The following RNF123 variants were observed in gnomAD, a reference collection of about 807,000 sequenced individuals.
RNF123 encodes E3 ubiquitin-protein ligase RNF123.
In RNF123, 86 loss-of-function variants were observed where a neutral mutation model predicts 168.5. The observed-to-expected ratio is 0.51, with a 90% confidence interval of 0.43 to 0.61. The LOEUF (loss-of-function observed/expected upper bound fraction) is 0.61, where lower values mean the gene tolerates loss of function less well. Ranked by LOEUF, RNF123 falls within the 20% of genes least tolerant of loss-of-function variation. The pLI is 0.00. For missense variants in RNF123, 1,419 were observed against 1,729.7 expected (o/e 0.82, Z 3.19); for synonymous variants, 666 against 689.1 (o/e 0.97, Z 0.52).
chr3:49,709,491 A>G (rs1314757962), intron 26 of RNF123, among the ~76,000 whole-genome samples: 5 of 152,018 alleles, frequency 3.3e-5, no homozygotes, highest in South Asian at 2.1e-4. Flanking sequence ...TAGTAGAGAC[A>G]GGGTTTCACC....
intron 26 of RNF123, among the ~76,000 whole-genome samples, chr3:49,708,123 C>T (rs2054552849): frequency 6.6e-6 from 1 of 152,028 alleles, no homozygotes; most frequent in Admixed American, 6.6e-5. Flanking sequence ...CTACCGCGCC[C>T]AGCTACTTTT....
At chr3:49,690,227 G>T (rs955585883) in intron 1 of RNF123, among the ~76,000 whole-genome samples, 3 of 152,250 alleles carry the variant, frequency 2.0e-5, no homozygotes, top group African/African-American at 7.2e-5. Flanking sequence ...CTGTCTAATA[G>T]AACTTTATAT....
chr3:49,700,484 C>G lies in RNF123; in HGVS notation c.1123C>G (p.Gln375Glu). The change falls in exon 14 of 39, where the codon CAA becomes GAA. Residue 375 changes from glutamine (Q) to glutamate (E), a missense_variant. Coordinates refer to ENST00000327697, the MANE Select transcript of RNF123 (RefSeq NM_022064.5). ...TCTCTTCCCCCAGGACTACGAGGTACAAGATTGCCTCAAGCAGTTGATGAT... is the reference window on the plus strand; with the variant it reads ...TCTCTTCCCCCAGGACTACGAGGTAGAAGATTGCCTCAAGCAGTTGATGAT... ...LWLFMEDYEVQDCLKQLMMSL... is the reference protein window; with the variant it reads ...LWLFMEDYEVEDCLKQLMMSL... 1 of 1,614,118 alleles carries G rather than the reference C, an allele frequency of 6.2e-7. No individual in the cohort carries two copies. Among genetic ancestry groups the G allele is most frequent in the Non-Finnish European group, 8.5e-7 (1 of 1,179,996 alleles).
chr3:49,699,210 G>T lies in RNF123; in HGVS notation c.764+105G>T. The T allele has an allele frequency of 6.8e-7, 1 of 1,465,540 alleles. No homozygotes were observed. Among genetic ancestry groups the T allele is most frequent in the Non-Finnish European group, 9.2e-7 (1 of 1,090,114 alleles). The allele number at this position is 1,465,540 out of a possible 1,614,324, so 90.8% of individuals were successfully genotyped here. On this transcript the variant is annotated intron_variant, in intron 10 of 38. Coordinates refer to ENST00000327697, the MANE Select transcript of RNF123 (RefSeq NM_022064.5). The surrounding 1 kb of genome is among the most constrained non-coding windows in gnomAD (Gnocchi z 4.8). ...TGCCATGGGCTGGTGGCAGGCCCTGGCTGCTGCAGAGTTAGTGGGGGGCCA... is the reference window on the plus strand; with the variant it reads ...TGCCATGGGCTGGTGGCAGGCCCTGTCTGCTGCAGAGTTAGTGGGGGGCCA...
chr3:49,711,489 AG>A (rs2080144397), intron 26 of RNF123, among the ~76,000 whole-genome samples: 1 of 152,134 alleles, frequency 6.6e-6, no homozygotes, highest in Admixed American at 6.5e-5. Flanking sequence ...GGCCATTGCC[AG>A]CCCCTCACCA....
Position 49,699,200 on chromosome 3 carries a change from G to A in RNF123, c.764+95G>A. 1 of 1,478,022 alleles carries A rather than the reference G, an allele frequency of 6.8e-7. No individual in the cohort carries two copies. The highest frequency in any genetic ancestry group is 2.0e-5 in the Admixed American group (1 of 49,456). The allele number at this position is 1,478,022 out of a possible 1,614,324, so 91.6% of individuals were successfully genotyped here. ...ACCCCAGGGGTGCCATGGGCTGGTG[G>A]CAGGCCCTGGCTGCTGCAGAGTTAG... On this transcript the variant is annotated intron_variant, in intron 10 of 38. Transcript: ENST00000327697. This position sits in a 1 kb window ranked among gnomAD's most constrained non-coding sequence, Gnocchi z 4.8.
At chr3:49,702,560 G>T (rs1655362646) in intron 19 of RNF123, 73 bp from the exon 20 acceptor site, 1 of 1,611,798 alleles carries the variant, frequency 6.2e-7, no homozygotes, top group Admixed American at 1.7e-5. Flanking sequence ...CGACCCTCAG[G>T]CAGGGCCTTG....
chr3:49,703,619 A>G (rs566580350), intron 21 of RNF123, 91 bp downstream of exon 21: 169 of 1,035,524 alleles, frequency 1.6e-4, no homozygotes, highest in East Asian at 9.5e-4. Context: ...GAGCCATCCT[A>G]TGGCCACCAG....
In RNF123 at chr3:49,699,507, G is replaced by C. The variant is rs989790777; in HGVS notation, c.804G>C (p.Pro268=). Residue 268 remains proline (P), a synonymous_variant, in exon 11 of 39, where the codon CCG becomes CCC. Coordinates refer to ENST00000327697, the MANE Select transcript of RNF123 (RefSeq NM_022064.5). The surrounding 1 kb of genome is among the most constrained non-coding windows in gnomAD (Gnocchi z 4.8). The stretch of plus-strand genomic sequence containing the variant: ...GCTACCGGCCCCTGCAGGACCCACC[G>C]AGTGCTGACCTGGTGCGGGCACAGA... ...VAGYRPLQDP[P]SADLVRAQRL... 6.2e-7 allele frequency: 1 copy of C among 1,611,396 alleles called. No homozygotes were observed.
intron 26 of RNF123, among the ~76,000 whole-genome samples, chr3:49,710,538 C>T (rs1341762926): frequency 6.6e-6 from 1 of 152,194 alleles, no homozygotes; most frequent in Non-Finnish European, 1.5e-5. Context: ...CCTCGGCCTC[C>T]CAAAGTGCTG....
intron 13 of RNF123, 39 bp from the exon 14 acceptor site, chr3:49,700,433 A>C (rs745537217): frequency 1.2e-6 from 2 of 1,611,856 alleles, no homozygotes; most frequent in South Asian, 2.2e-5. Flanking sequence ...ATCTTGGAAA[A>C]GGCCCCAGTC....
chr3:49,692,581 A>G (rs2054190025), intron 3 of RNF123, among the ~76,000 whole-genome samples: 1 of 152,082 alleles, frequency 6.6e-6, no homozygotes, highest in Non-Finnish European at 1.5e-5. Context: ...CATTAATTCA[A>G]TTTTTTTGTA....
intron 35 of RNF123, 40 bp downstream of exon 35, chr3:49,716,517 G>A (rs772095421): frequency 5.7e-6 from 9 of 1,572,524 alleles, no homozygotes; most frequent in South Asian, 3.4e-5. Flanking sequence ...GGAGTTGGGT[G>A]TGTCTGGTGA....
intron 35 of RNF123, chr3:49,719,007 G>A (rs745351352): frequency 3.1e-6 from 5 of 1,613,906 alleles, no homozygotes; most frequent in Non-Finnish European, 4.2e-6. Context: ...GCAGGCCGTG[G>A]AAGGCATGCT....
intron 35 of RNF123, chr3:49,718,347 A>G (rs1433340405): frequency 6.2e-7 from 1 of 1,613,248 alleles, no homozygotes; most frequent in African/African-American, 1.3e-5. Flanking sequence ...CTGGGCGCGG[A>G]AAGTGCACGC....
Position 49,721,106 on chromosome 3 carries a change from G to A in RNF123, c.3824+1G>A. ...AGCCCTGTGGCCACAAGTCCTGCAA[G>A]TAAGTGGGCCCCACAGCTTGGTGGT... is the stretch of plus-strand genomic sequence containing the variant. On this transcript the variant is annotated splice_donor_variant, in intron 38 of 38. Coordinates refer to ENST00000327697, the MANE Select transcript of RNF123 (RefSeq NM_022064.5). LOFTEE classifies it high-confidence loss of function. 1 of 1,613,956 alleles carries A rather than the reference G, an allele frequency of 6.2e-7. No homozygotes were observed.
At chr3:49,692,809 TC>T (rs1416165268) in intron 3 of RNF123, among the ~76,000 whole-genome samples, 3 of 152,232 alleles carry the variant, frequency 2.0e-5, no homozygotes, top group African/African-American at 7.2e-5. Context: ...AGGATCTCAT[TC>T]TTTTTTATGG....
chr3:49,713,500 C>T lies in RNF123; in HGVS notation c.2675-13C>T, dbSNP rs1305277780. On this transcript the variant is annotated splice_polypyrimidine_tract_variant and intron_variant, in intron 27 of 38. Transcript: ENST00000327697. ...CACTCCCAGCCGACACGTCTCACTT[C>T]CCACCCTTGCAGGCTATGAAGAGAC... is the stretch of plus-strand genomic sequence containing the variant. 6.2e-7 allele frequency: 1 copy of T among 1,602,020 alleles called. No homozygotes were observed. The highest frequency in any genetic ancestry group is 8.5e-7 in the Non-Finnish European group (1 of 1,174,290).
At chr3:49,710,715 G>A (rs1377930661) in intron 26 of RNF123, among the ~76,000 whole-genome samples, 2 of 152,084 alleles carry the variant, frequency 1.3e-5, no homozygotes, top group African/African-American at 4.8e-5. Flanking sequence ...TTCCAGTGTG[G>A]TTTCCTTTCT....
Sources: allele counts gnomAD v4.1 joint callset (sites outside exome capture counted in the v4.1 genomes callset), GRCh38; gene constraint gnomAD v4.1.1; non-coding constraint Gnocchi (gnomAD v3.1); transcripts MANE v1.5; gene names NCBI Gene and HGNC (gene_info 2026-07-23, HGNC 2026-07-21).